NRXN1: variants seen among roughly 807,000 people sequenced by gnomAD.
NRXN1 encodes the protein neurexin-1.
Under a neutral mutation model 150.9 loss-of-function variants are expected in NRXN1, and 39 were observed. The ratio of observed to expected loss-of-function variants is 0.26; its 90% CI spans 0.20 to 0.34. The LOEUF (loss-of-function observed/expected upper bound fraction) is 0.34, where lower values mean the gene tolerates loss of function less well. Among genes scored for constraint, NRXN1 ranks in the 10% least tolerant of loss-of-function variants. The pLI is 1.00. For synonymous variants in NRXN1, 924 were observed against 757.0 expected, an observed-to-expected ratio of 1.22 and a Z score of -3.62; for missense variants, 1,815 against 1,949.9, an observed-to-expected ratio of 0.93 and a Z score of 1.30.
intron 8 of NRXN1, among the ~76,000 whole-genome samples, chr2:50,555,585 C>T (rs536403173): frequency 2.4e-4 from 37 of 152,166 alleles, no homozygotes; most frequent in Admixed American, 6.5e-4. Context: ...CACCACAGCG[C>T]AGCACCAAGA....
intron 17 of NRXN1, among the ~76,000 whole-genome samples, chr2:50,251,237 T>C (rs2067039331): frequency 6.6e-6 from 1 of 152,080 alleles, no homozygotes. Context: ...TGTGTCCATG[T>C]GTTCTCATTG....
intron 8 of NRXN1, among the ~76,000 whole-genome samples, chr2:50,559,591 T>G (rs772935099): frequency 6.6e-6 from 1 of 152,168 alleles, no homozygotes; most frequent in Non-Finnish European, 1.5e-5. Context: ...GTAAACTATA[T>G]GTGATCAACA....
At chr2:50,091,223 C>G in intron 19 of NRXN1, 100 bp downstream of exon 19, 1 of 1,364,660 alleles carries the variant, frequency 7.3e-7, no homozygotes. Context: ...TTGATGGTTT[C>G]TCAGAAAACC....
chr2:50,253,367 T>C (rs2067354639), intron 17 of NRXN1, among the ~76,000 whole-genome samples: 1 of 152,178 alleles, frequency 6.6e-6, no homozygotes, highest in South Asian at 2.1e-4. Flanking sequence ...ACAGAGACAG[T>C]TTAACTTCCT....
intron 13 of NRXN1, among the ~76,000 whole-genome samples, chr2:50,505,120 A>T (rs1467152407): frequency 1.3e-5 from 2 of 152,170 alleles, no homozygotes; most frequent in South Asian, 4.1e-4. Flanking sequence ...TTGCCTTATA[A>T]TATCATGCAT....
chr2:50,883,186 T>A (rs866185756), intron 5 of NRXN1, among the ~76,000 whole-genome samples: 2 of 151,876 alleles, frequency 1.3e-5, no homozygotes, highest in South Asian at 4.1e-4. Flanking sequence ...TTTCTTTTCA[T>A]TTTTGCATTG....
At chr2:50,277,828 T>C (rs573675908) in intron 17 of NRXN1, among the ~76,000 whole-genome samples, 90 of 152,072 alleles carry the variant, frequency 5.9e-4, no homozygotes, top group African/African-American at 2.1e-3. Flanking sequence ...TTTCTGCTTT[T>C]GATGCACCCT....
chr2:50,329,615 GTGTATATATATATA>G (rs2076649660), intron 17 of NRXN1, among the ~76,000 whole-genome samples: 11 of 15,800 alleles, frequency 7.0e-4, no homozygotes, highest in African/African-American at 1.0e-3. Context: ...GTGTGTGTGT[GTGTATATATATATA>G]TATATATATA....
At chr2:50,329,526 C>A (rs1410073876) in intron 17 of NRXN1, among the ~76,000 whole-genome samples, 1 of 144,614 alleles carries the variant, frequency 6.9e-6, no homozygotes, top group African/African-American at 2.6e-5. Context: ...AACTCATTTC[C>A]ACACTTCGTA....
chr2:50,882,633 G>T (rs1379985633), intron 5 of NRXN1, among the ~76,000 whole-genome samples: 1 of 151,742 alleles, frequency 6.6e-6, no homozygotes, highest in Admixed American at 6.6e-5. Context: ...GAACCCACAG[G>T]TGCCCACAGT....
intron 17 of NRXN1, among the ~76,000 whole-genome samples, chr2:50,268,367 T>C (rs181009984): frequency 6.6e-6 from 1 of 152,164 alleles, no homozygotes; most frequent in African/African-American, 2.4e-5. Flanking sequence ...ATATATGCTT[T>C]CTTATTATCC....
At chr2:50,186,891 C>G (rs2061107144) in intron 18 of NRXN1, among the ~76,000 whole-genome samples, 1 of 151,970 alleles carries the variant, frequency 6.6e-6, no homozygotes. Flanking sequence ...TATTTCAAAA[C>G]ATTTTTAAAA....
At chr2:50,522,253 G>T (rs1171205386) in intron 12 of NRXN1, among the ~76,000 whole-genome samples, 3 of 152,150 alleles carry the variant, frequency 2.0e-5, no homozygotes, top group African/African-American at 4.8e-5. Context: ...ACTAATAAGA[G>T]AATATCAAGT....
chr2:50,481,835 G>A (rs1409615366), intron 15 of NRXN1, among the ~76,000 whole-genome samples: 2 of 122,354 alleles, frequency 1.6e-5, no homozygotes, highest in Non-Finnish European at 3.1e-5. Flanking sequence ...GCGGGATCTC[G>A]GCTCACTGCA....
intron 5 of NRXN1, among the ~76,000 whole-genome samples, chr2:50,788,065 A>C (rs1426810066): frequency 2.6e-5 from 4 of 151,112 alleles, no homozygotes; most frequent in Admixed American, 6.6e-5. Context: ...CCAGTTTTCT[A>C]TCTTGCCTGC....
At chr2:50,178,434 A>G (rs1174296646) in intron 18 of NRXN1, among the ~76,000 whole-genome samples, 1 of 152,064 alleles carries the variant, frequency 6.6e-6, no homozygotes, top group Non-Finnish European at 1.5e-5. Context: ...ATTCTTGCCA[A>G]CTTTTTCATG....
chr2:50,918,614 G>C, intron 5 of NRXN1: 1 of 372,272 alleles, frequency 2.7e-6, no homozygotes, highest in Non-Finnish European at 4.8e-6. Context: ...AATTTAAATA[G>C]TCATTCATTT....
chr2:50,745,957 C>G (rs1424107591), intron 5 of NRXN1, among the ~76,000 whole-genome samples: 1 of 152,106 alleles, frequency 6.6e-6, no homozygotes, highest in Non-Finnish European at 1.5e-5. Flanking sequence ...ATCAAGAAGA[C>G]AGAACCCTTC....
At chr2:50,161,942 C>G (rs1415270922) in intron 18 of NRXN1, among the ~76,000 whole-genome samples, 1 of 152,146 alleles carries the variant, frequency 6.6e-6, no homozygotes, top group Middle Eastern at 3.4e-3. Flanking sequence ...ATTTATGACA[C>G]AAAAGAGTTC....
Sources: gnomAD v4.1 joint callset for allele counts (sites outside exome capture counted in the v4.1 genomes callset) on GRCh38, gnomAD v4.1.1 for gene constraint, MANE v1.5 for transcripts, NCBI Gene and HGNC (gene_info 2026-07-23, HGNC 2026-07-21) for gene names.